PARD3B: variants seen among roughly 807,000 people sequenced by gnomAD.
PARD3B encodes partitioning defective 3 homolog B.
PARD3B carries 103 observed loss-of-function variants against 130.2 expected under a neutral mutation model. The observed-to-expected ratio is 0.79, with a 90% CI of 0.67 to 0.93. The LOEUF is 0.93. Ranked by LOEUF, PARD3B falls within the 40% of genes least tolerant of loss-of-function variation. The pLI is 0.00. For missense variants in PARD3B, 1,609 were observed against 1,499.2 expected (o/e 1.07, Z -1.21); for synonymous variants, 583 against 553.2 (o/e 1.05, Z -0.76).
intron 1 of PARD3B, among the ~76,000 whole-genome samples, chr2:204,548,671 G>A (rs1291622934): frequency 1.3e-5 from 2 of 152,050 alleles, no homozygotes; most frequent in Non-Finnish European, 2.9e-5. Flanking sequence ...CCTAAAAATA[G>A]CAATTTTGCT....
intron 19 of PARD3B, among the ~76,000 whole-genome samples, chr2:205,435,485 TA>T (rs1445666511): frequency 1.3e-5 from 2 of 152,200 alleles, no homozygotes; most frequent in Middle Eastern, 3.4e-3. Flanking sequence ...TTGGTCAACT[TA>T]TTTTTTTGTT....
rs2042312716 is a variant in PARD3B, at chr2:205,309,888, TTATCCATC to T, written c.2630+8192_2630+8199del. On this transcript the variant is annotated intron_variant, in intron 18 of 22. Coordinates refer to ENST00000406610, the MANE Select transcript of PARD3B (RefSeq NM_001302769.2). This position sits in a 1 kb window ranked among gnomAD's most constrained non-coding sequence, Gnocchi z 4.7. ...TGCCTAACTTGATAGACATTACTTC[TTATCCATC>T]TATCTATCTATCTATCTATCTATCT... 1.0e-5 allele frequency among the ~76,000 whole-genome samples: 1 copy of T among 95,752 alleles called. No individual in the cohort carries two copies. The highest frequency in any genetic ancestry group is 4.6e-5 in the African/African-American group (1 of 21,654). The allele number at this position is 95,752 out of a possible 152,430, so 62.8% of individuals were successfully genotyped here.
At chr2:205,605,592 C>T (rs1166632150) in intron 22 of PARD3B, among the ~76,000 whole-genome samples, 3 of 152,146 alleles carry the variant, frequency 2.0e-5, no homozygotes, top group African/African-American at 4.8e-5. Context: ...TGGAGGCTAC[C>T]GAATAGCAAA....
chr2:204,570,841 CAACTGAGGTGTATAAGCTGTTGT>C, intron 1 of PARD3B, among the ~76,000 whole-genome samples: 1 of 107,194 alleles, frequency 9.3e-6, no homozygotes, highest in Middle Eastern at 7.0e-3. Context: ...TAAGCTGTTG[CAACTGAGGTGTATAAGCTGTTGT>C]AACTGAGGTG....
rs1182502762 is a variant in PARD3B at position 204,673,062 on chromosome 2, T to C, written c.121-13119T>C. ...AATCCAGTGAGGGTAGAGGATATTGTTCCCATTTATGAGTGGTAAATTTTG... is the reference window on the plus strand; with the variant it reads ...AATCCAGTGAGGGTAGAGGATATTGCTCCCATTTATGAGTGGTAAATTTTG... On this transcript the variant is annotated intron_variant, in intron 1 of 22. Transcript: ENST00000406610. The surrounding 1 kb of genome is among the most constrained non-coding windows in gnomAD (Gnocchi z 4.7). Among the ~76,000 whole-genome samples the C allele has an allele frequency of 6.6e-6, 1 of 152,210 alleles. No homozygotes were observed. Among genetic ancestry groups the C allele is most frequent in the African/African-American group, 2.4e-5 (1 of 41,460 alleles).
rs2044922029 is a variant in PARD3B at position 205,373,845 on chromosome 2, T to G, written c.2631-27168T>G. Among the ~76,000 whole-genome samples the G allele has an allele frequency of 2.0e-5, 3 of 152,248 alleles. No homozygotes were observed. The South Asian group carries it at 6.2e-4, about 31-fold the overall frequency. Reference sequence around the variant, plus strand: ...CCCTTGCTCTGTTTATGTAGAATTATGTAATGAGATTATCATTTCTGCATG... The same window carrying G: ...CCCTTGCTCTGTTTATGTAGAATTAGGTAATGAGATTATCATTTCTGCATG... On this transcript the variant is annotated intron_variant, in intron 18 of 22. Transcript: ENST00000406610.
intron 21 of PARD3B, among the ~76,000 whole-genome samples, chr2:205,544,969 A>G (rs961759804): frequency 1.3e-5 from 2 of 152,342 alleles, no homozygotes; most frequent in East Asian, 3.9e-4. Flanking sequence ...CTTTTAAAAT[A>G]TTTTATTTGC....
At chr2:204,655,735 G>A (rs895387474) in intron 1 of PARD3B, among the ~76,000 whole-genome samples, 6 of 151,976 alleles carry the variant, frequency 3.9e-5, no homozygotes, top group African/African-American at 9.7e-5. Flanking sequence ...GATTAAAGGA[G>A]GTCAGCATAT....
At chr2:204,632,885 C>A (rs1378967264) in intron 1 of PARD3B, among the ~76,000 whole-genome samples, 2 of 152,180 alleles carry the variant, frequency 1.3e-5, no homozygotes, top group Non-Finnish European at 2.9e-5. Flanking sequence ...AGTATTCACT[C>A]GCACCTTTTG....
chr2:205,323,335 G>A (rs1574699241), intron 18 of PARD3B, among the ~76,000 whole-genome samples: 1 of 152,158 alleles, frequency 6.6e-6, no homozygotes, highest in South Asian at 2.1e-4. Context: ...TAAAGACAAT[G>A]TCTAGAAAAC....
Position 205,159,737 on chromosome 2 carries a change from G to A in PARD3B, c.1620+830G>A, listed in dbSNP as rs766697427. On this transcript the variant is annotated intron_variant, in intron 11 of 22. Transcript: ENST00000406610. ...TCATTATTATCTCACACCGTGCAAG[G>A]AGACTTCTTGAGTTTGAATTCTGCC... Among the ~76,000 whole-genome samples, 7 of 152,280 alleles carry A rather than the reference G, an allele frequency of 4.6e-5. No individual in the cohort carries two copies. In the South Asian group the frequency reaches 1.2e-3, roughly 27 times the overall value.
At chr2:205,535,324 G>A (rs1471770055) in intron 21 of PARD3B, among the ~76,000 whole-genome samples, 2 of 152,166 alleles carry the variant, frequency 1.3e-5, no homozygotes, top group African/African-American at 2.4e-5. Context: ...GAGCAGAGTG[G>A]TGGTACTCAG....
At chr2:204,656,579 C>T (rs1297405239) in intron 1 of PARD3B, among the ~76,000 whole-genome samples, 1 of 152,176 alleles carries the variant, frequency 6.6e-6, no homozygotes, top group African/African-American at 2.4e-5. Context: ...CCTTAAATCA[C>T]ATTCTTGACA....
intron 1 of PARD3B, among the ~76,000 whole-genome samples, chr2:204,550,181 G>C (rs1054997048): frequency 1.3e-5 from 2 of 151,840 alleles, no homozygotes; most frequent in African/African-American, 4.8e-5. Flanking sequence ...TGCAGTGTTT[G>C]CATGTAATCT....
At chr2:205,304,372 A>G (rs1376096405) in intron 18 of PARD3B, among the ~76,000 whole-genome samples, 1 of 152,166 alleles carries the variant, frequency 6.6e-6, no homozygotes, top group African/African-American at 2.4e-5. Flanking sequence ...ATAGTGGCCC[A>G]AGCCTGTAAT....
At chr2:205,192,456 A>G (rs2036448712) in intron 14 of PARD3B, among the ~76,000 whole-genome samples, 1 of 152,200 alleles carries the variant, frequency 6.6e-6, no homozygotes, top group Non-Finnish European at 1.5e-5. Flanking sequence ...AAAATTATAT[A>G]AATTTATTTC....
Position 205,234,832 on chromosome 2 carries a change from A to G in PARD3B, c.2141-10946A>G, listed in dbSNP as rs542977274. On this transcript the variant is annotated intron_variant, in intron 15 of 22. Coordinates refer to ENST00000406610, the MANE Select transcript of PARD3B (RefSeq NM_001302769.2). Reference sequence around the variant, plus strand: ...GTTTTGAAAGAATTCAAGTCATACAACATATATTCTGTCAGCATAGTAAAA... The same window carrying G: ...GTTTTGAAAGAATTCAAGTCATACAGCATATATTCTGTCAGCATAGTAAAA... Among the ~76,000 whole-genome samples, 4 of 152,344 alleles carry G rather than the reference A, an allele frequency of 2.6e-5. No homozygotes were observed. The East Asian group carries it at 5.8e-4, about 22-fold the overall frequency.
At chr2:204,942,365 C>T (rs376242840) in intron 2 of PARD3B, among the ~76,000 whole-genome samples, 5 of 152,062 alleles carry the variant, frequency 3.3e-5, no homozygotes, top group African/African-American at 7.2e-5. Context: ...ACCAATATTT[C>T]AAAAATGTAG....
chr2:205,336,978 A>T (rs1296811498), intron 18 of PARD3B, among the ~76,000 whole-genome samples: 4 of 32,124 alleles, frequency 1.2e-4, no homozygotes, highest in Non-Finnish European at 1.5e-4. Context: ...ATTTCTTGTA[A>T]AAAAAAAAAA....
Sources: gnomAD v4.1 joint callset for allele counts (sites outside exome capture counted in the v4.1 genomes callset) on GRCh38, gnomAD v4.1.1 for gene constraint, Gnocchi (gnomAD v3.1) non-coding constraint, MANE v1.5 for transcripts, NCBI Gene and HGNC (gene_info 2026-07-23, HGNC 2026-07-21) for gene names.